The following TAFA2 variants were observed in gnomAD, a reference collection of about 807,000 sequenced individuals.
TAFA2 encodes chemokine-like protein TAFA-2.
TAFA2 carries 7 observed loss-of-function variants against 18.8 expected under a neutral mutation model. That is an observed-to-expected ratio of 0.37 (90% CI 0.21 to 0.70). TAFA2 has a LOEUF of 0.70. Among genes scored for constraint, TAFA2 ranks in the 30% least tolerant of loss-of-function variants. The pLI is 0.53. For missense variants in TAFA2, 122 were observed against 158.1 expected (o/e 0.77, Z 1.23); for synonymous variants, 60 against 54.2 (o/e 1.11, Z -0.47).
chr12:62,088,358 A>G (rs2136829723), intron 1 of TAFA2, among the ~76,000 whole-genome samples: 1 of 152,166 alleles, frequency 6.6e-6, no homozygotes, highest in Middle Eastern at 3.4e-3. Flanking sequence ...AAGACAGTTC[A>G]AGTAATTGAT....
chr12:61,810,531 A>G (rs1430724740), intron 2 of TAFA2, among the ~76,000 whole-genome samples: 1 of 151,506 alleles, frequency 6.6e-6, no homozygotes, highest in Non-Finnish European at 1.5e-5. Flanking sequence ...GACTGCTGTA[A>G]TAACATCCAA....
chr12:62,174,068 G>C (rs1351938394), intron 1 of TAFA2, among the ~76,000 whole-genome samples: 3 of 152,180 alleles, frequency 2.0e-5, no homozygotes, highest in Admixed American at 2.0e-4. Context: ...AAGGTGGGCG[G>C]ATCGCTTGAG....
chr12:61,871,207 T>C (rs1048265184), intron 1 of TAFA2, among the ~76,000 whole-genome samples: 19 of 152,030 alleles, frequency 1.2e-4, no homozygotes, highest in African/African-American at 3.9e-4. Context: ...TAAATAACAA[T>C]CAAGTTTGAA....
At chr12:61,813,872 T>C (rs1424265601) in intron 2 of TAFA2, among the ~76,000 whole-genome samples, 1 of 151,484 alleles carries the variant, frequency 6.6e-6, no homozygotes, top group African/African-American at 2.5e-5. Flanking sequence ...CTTAGACAAA[T>C]TAAATCACAT....
At chr12:61,975,487 A>T (rs937377342) in intron 1 of TAFA2, among the ~76,000 whole-genome samples, 2 of 136,036 alleles carry the variant, frequency 1.5e-5, no homozygotes, top group African/African-American at 5.6e-5. Flanking sequence ...AAATAACTGG[A>T]TCTCCTTTTT....
intron 4 of TAFA2, among the ~76,000 whole-genome samples, chr12:61,748,155 G>A (rs1227185333): frequency 6.6e-6 from 1 of 151,912 alleles, no homozygotes; most frequent in Non-Finnish European, 1.5e-5. Flanking sequence ...AAGGGAGGGA[G>A]GGAGAGAGGG....
intron 1 of TAFA2, among the ~76,000 whole-genome samples, chr12:61,950,891 CT>C (rs1232236020): frequency 3.9e-5 from 6 of 152,066 alleles, no homozygotes; most frequent in Non-Finnish European, 5.9e-5. Context: ...CAGATGCAGG[CT>C]TTGAGCCAGC....
intron 1 of TAFA2, among the ~76,000 whole-genome samples, chr12:62,051,082 G>A (rs1010162571): frequency 2.6e-5 from 4 of 152,148 alleles, no homozygotes; most frequent in African/African-American, 9.7e-5. Context: ...CCTTAGTGTT[G>A]CTAAATTATA....
intron 1 of TAFA2, among the ~76,000 whole-genome samples, chr12:61,892,594 T>C (rs1015932255): frequency 3.9e-5 from 6 of 152,228 alleles, no homozygotes; most frequent in African/African-American, 1.4e-4. Flanking sequence ...CTCAGCACTT[T>C]GTGAGGCTGA....
intron 1 of TAFA2, among the ~76,000 whole-genome samples, chr12:62,209,002 A>T (rs1161810905): frequency 6.6e-6 from 1 of 152,176 alleles, no homozygotes; most frequent in Non-Finnish European, 1.5e-5. Context: ...GGTTTACTAG[A>T]TTAACAAGAT....
chr12:61,810,760 G>T (rs1871832193), intron 2 of TAFA2, among the ~76,000 whole-genome samples: 1 of 151,126 alleles, frequency 6.6e-6, no homozygotes, highest in African/African-American at 2.5e-5. Flanking sequence ...TGGGTCATAA[G>T]AATCTGCTGT....
At chr12:62,245,783 C>A (rs2062882715) in intron 1 of TAFA2, among the ~76,000 whole-genome samples, 1 of 147,908 alleles carries the variant, frequency 6.8e-6, no homozygotes, top group African/African-American at 2.5e-5. Flanking sequence ...TATGCCTTTT[C>A]AAAAGATCAG....
rs888488200 is a variant in TAFA2, at chr12:62,043,030, C to T, written c.-2+148229G>A. 4.6e-5 allele frequency among the ~76,000 whole-genome samples: 7 copies of T among 152,212 alleles called. No homozygotes were observed. The East Asian group carries it at 9.7e-4, about 21-fold the overall frequency. On this transcript the variant is annotated intron_variant, in intron 1 of 4. Transcript: ENST00000416284. ...GGATAGAGATGTCAGCCACAGATAA[C>T]AAGGACAAAAGTAACATTTATAAGT...
intron 1 of TAFA2, among the ~76,000 whole-genome samples, chr12:61,915,835 C>G (rs1160852210): frequency 6.6e-6 from 1 of 152,186 alleles, no homozygotes; most frequent in Admixed American, 6.5e-5. Flanking sequence ...TGATGCCCAT[C>G]CACATTGGTG....
rs568556854 is a variant in TAFA2, at chr12:61,807,576, T to A, written c.107-52552A>T. On this transcript the variant is annotated intron_variant, in intron 2 of 4. Transcript: ENST00000416284. ...ATCCTCCATACCCTAGAATGGTAGA[T>A]CCACTGATAACTTGCACTGTGCACC... 1.0e-3 allele frequency among the ~76,000 whole-genome samples: 158 copies of A among 151,370 alleles called. 14 individuals are homozygous for A. The highest frequency in any genetic ancestry group is 3.8e-3 in the African/African-American group (154 of 40,710).
intron 1 of TAFA2, among the ~76,000 whole-genome samples, chr12:62,116,904 T>A (rs1185981024): frequency 6.6e-6 from 1 of 152,130 alleles, no homozygotes; most frequent in Non-Finnish European, 1.5e-5. Context: ...CCATTTTAAA[T>A]AAGTTAAAAT....
At chr12:61,768,947 G>A (rs1869907787) in intron 2 of TAFA2, among the ~76,000 whole-genome samples, 2 of 151,908 alleles carry the variant, frequency 1.3e-5, no homozygotes, top group Admixed American at 6.6e-5. Context: ...GTATCCTGGG[G>A]CACCTTCTCA....
chr12:61,941,230 T>A (rs1877994963), intron 1 of TAFA2, among the ~76,000 whole-genome samples: 2 of 152,176 alleles, frequency 1.3e-5, no homozygotes, highest in Admixed American at 1.3e-4. Context: ...TAATAACTTT[T>A]ATATAGACTA....
At chr12:62,097,003 G>C (rs1173735912) in intron 1 of TAFA2, among the ~76,000 whole-genome samples, 2 of 152,064 alleles carry the variant, frequency 1.3e-5, no homozygotes, top group East Asian at 3.9e-4. Context: ...AATGTCTCCT[G>C]TTTAACACCC....
Sources: allele counts gnomAD v4.1 joint callset (sites outside exome capture counted in the v4.1 genomes callset), GRCh38; gene constraint gnomAD v4.1.1; transcripts MANE v1.5; gene names NCBI Gene and HGNC (gene_info 2026-07-23, HGNC 2026-07-21).